WWOX: variants seen among roughly 807,000 people sequenced by gnomAD.
WWOX encodes WW domain-containing oxidoreductase.
WWOX carries 69 observed loss-of-function variants against 46.2 expected under a neutral mutation model. The observed-to-expected ratio is 1.49, with a 90% confidence interval of 1.23 to 1.82. The LOEUF (loss-of-function observed/expected upper bound fraction) is 1.82. Among genes scored for constraint, WWOX ranks in the 40% most tolerant of loss-of-function variants. The pLI is 0.00. For synonymous variants in WWOX, 359 were observed against 202.6 expected (o/e 1.77, Z -6.56); for missense variants, 919 against 542.6 (o/e 1.69, Z -6.89).
At chr16:78,695,353 CA>C (rs1440650684) in intron 8 of WWOX, among the ~76,000 whole-genome samples, 1 of 152,130 alleles carries the variant, frequency 6.6e-6, no homozygotes, top group Non-Finnish European at 1.5e-5. Flanking sequence ...GTCCCTCCCT[CA>C]TTTTTTAAGC....
At chr16:79,120,330 T>C (rs949227584) in intron 8 of WWOX, among the ~76,000 whole-genome samples, 1 of 152,122 alleles carries the variant, frequency 6.6e-6, no homozygotes, top group Non-Finnish European at 1.5e-5. Context: ...GTCAGGCGCA[T>C]TTACCCTACA....
chr16:78,248,224 A>G (rs1278497020), intron 5 of WWOX, among the ~76,000 whole-genome samples: 3 of 152,290 alleles, frequency 2.0e-5, no homozygotes, highest in Admixed American at 2.0e-4. Flanking sequence ...CAGGAAACTT[A>G]CAATCATGGT....
chr16:79,074,549 C>T (rs2048618311), intron 8 of WWOX, among the ~76,000 whole-genome samples: 1 of 148,638 alleles, frequency 6.7e-6, no homozygotes, highest in Admixed American at 6.8e-5. Flanking sequence ...GAGGGGATCT[C>T]TACACTCCTA....
intron 8 of WWOX, among the ~76,000 whole-genome samples, chr16:79,106,986 T>C (rs1291108129): frequency 2.0e-5 from 3 of 151,964 alleles, no homozygotes; most frequent in Non-Finnish European, 2.9e-5. Context: ...AATTTTTGTA[T>C]TGTTAGTAGA....
At position 79,212,131 on chromosome 16, in the gene WWOX, C is replaced by G. The variant is rs1175247901; in HGVS notation, c.*335C>G. 2.6e-6 allele frequency: 4 copies of G among 1,529,142 alleles called. No homozygotes were observed. The highest frequency in any genetic ancestry group is 2.4e-5 in the South Asian group (2 of 83,286). 94.7% of individuals were successfully genotyped at this position (1,529,142 alleles called of 1,614,324 possible). A position where few individuals can be genotyped will look rare whatever the true frequency, so the allele number is the denominator to read the frequency against. Reference sequence around the variant, plus strand: ...CTTTCTTTTACTGTTATAGAATAGCCTGAGGTCCCCTCGTCCCATCCAGCT... The same window carrying G: ...CTTTCTTTTACTGTTATAGAATAGCGTGAGGTCCCCTCGTCCCATCCAGCT... On this transcript the variant is annotated 3_prime_UTR_variant, in exon 9 of 9. Transcript: ENST00000566780.
rs542039200 is a variant in WWOX, at chr16:78,124,309, TTATC to T, written c.409+9158_409+9161del. 347 of 152,294 alleles carry T rather than the reference TTATC, an allele frequency of 2.3e-3. 7 individuals carry two copies. Among genetic ancestry groups the T allele is most frequent in the African/African-American group, 8.0e-3 (332 of 41,550 alleles). The allele number at this position is 152,294 out of a possible 1,614,324, so 9.4% of individuals were successfully genotyped here. ...GTTCATATACGAGTGTGTTCGTTGT[TTATC>T]TAATAAATTGTTAAAACTAGATGGC... On this transcript the variant is annotated intron_variant, in intron 4 of 8. Coordinates refer to ENST00000566780, the MANE Select transcript of WWOX (RefSeq NM_016373.4).
At chr16:78,464,840 A>C (rs1336553433) in intron 8 of WWOX, among the ~76,000 whole-genome samples, 1 of 152,222 alleles carries the variant, frequency 6.6e-6, no homozygotes, top group Admixed American at 6.5e-5. Flanking sequence ...CAGAGAAAGA[A>C]GAAATAAAAC....
At chr16:78,970,961 C>A (rs981332594) in intron 8 of WWOX, among the ~76,000 whole-genome samples, 3 of 152,030 alleles carry the variant, frequency 2.0e-5, no homozygotes, top group African/African-American at 7.3e-5. Flanking sequence ...ATTTTCTCTA[C>A]CTGGTGGGAG....
At chr16:78,851,774 CT>C (rs2052450207) in intron 8 of WWOX, among the ~76,000 whole-genome samples, 1 of 152,190 alleles carries the variant, frequency 6.6e-6, no homozygotes, top group African/African-American at 2.4e-5. Context: ...ACTTTAGGGG[CT>C]GTAGATGAAC....
chr16:78,712,572 C>T (rs770722622), intron 8 of WWOX, among the ~76,000 whole-genome samples: 37 of 151,712 alleles, frequency 2.4e-4, no homozygotes, highest in Non-Finnish European at 4.4e-4. Flanking sequence ...TTGTGTGATG[C>T]TCATTTTGAT....
At chr16:78,177,337 A>T (rs141200801) in intron 5 of WWOX, among the ~76,000 whole-genome samples, 25 of 152,300 alleles carry the variant, frequency 1.6e-4, no homozygotes, top group African/African-American at 6.0e-4. Flanking sequence ...TGGGTGACAC[A>T]AGATAGTCTA....
At chr16:78,801,284 T>A (rs1453226554) in intron 8 of WWOX, among the ~76,000 whole-genome samples, 1 of 152,180 alleles carries the variant, frequency 6.6e-6, no homozygotes, top group East Asian at 1.9e-4. Flanking sequence ...CCAACGCAGG[T>A]AGATCCCCTG....
At chr16:78,202,282 C>T (rs538141352) in intron 5 of WWOX, among the ~76,000 whole-genome samples, 2 of 152,304 alleles carry the variant, frequency 1.3e-5, no homozygotes, top group South Asian at 4.1e-4. Flanking sequence ...ATGCCATGAC[C>T]ATGAGGCCTC....
At chr16:78,235,540 T>G (rs545009361) in intron 5 of WWOX, among the ~76,000 whole-genome samples, 10 of 152,224 alleles carry the variant, frequency 6.6e-5, no homozygotes, top group Non-Finnish European at 1.2e-4. Flanking sequence ...TGACCTTGTC[T>G]CTAGCTCTCT....
intron 8 of WWOX, chr16:78,996,383 C>T (rs114455278): frequency 4.3e-5 from 32 of 735,768 alleles, no homozygotes; most frequent in Admixed American, 9.8e-5. Flanking sequence ...CCCACCCCCG[C>T]CCCCCAGCTT....
chr16:78,813,213 AG>A (rs1265296542), intron 8 of WWOX, among the ~76,000 whole-genome samples: 1 of 151,958 alleles, frequency 6.6e-6, no homozygotes, highest in Non-Finnish European at 1.5e-5. Context: ...TTGCTATCAT[AG>A]CGTTACCTAC....
chr16:79,008,926 A>G (rs537056502), intron 8 of WWOX, among the ~76,000 whole-genome samples: 1 of 152,270 alleles, frequency 6.6e-6, no homozygotes, highest in African/African-American at 2.4e-5. Flanking sequence ...AAATGTCTCC[A>G]CCCTTCTAAA....
intron 8 of WWOX, among the ~76,000 whole-genome samples, chr16:78,516,207 C>T (rs1212791998): frequency 6.6e-6 from 1 of 152,162 alleles, no homozygotes; most frequent in Non-Finnish European, 1.5e-5. Context: ...GTCCTTCACA[C>T]TCTTCTCTGA....
intron 6 of WWOX, among the ~76,000 whole-genome samples, chr16:78,406,342 A>T (rs2082541240): frequency 1.2e-4 from 10 of 86,094 alleles, no homozygotes; most frequent in African/African-American, 8.8e-4. Context: ...ATATATATAT[A>T]TATATATATA....
Sources: allele counts gnomAD v4.1 joint callset (sites outside exome capture counted in the v4.1 genomes callset), GRCh38; gene constraint gnomAD v4.1.1; transcripts MANE v1.5; gene names NCBI Gene and HGNC (gene_info 2026-07-23, HGNC 2026-07-21).